The following AGO3 variants were observed in gnomAD, a reference collection of about 807,000 sequenced individuals.
AGO3 encodes the protein protein argonaute-3.
AGO3 carries 16 observed loss-of-function variants against 105.5 expected under a neutral mutation model. The ratio of observed to expected loss-of-function variants is 0.15; its 90% CI spans 0.10 to 0.23. The LOEUF (loss-of-function observed/expected upper bound fraction) is 0.23. AGO3 is among the 10% of genes least tolerant of loss of function. The pLI is 1.00. For missense variants in AGO3, 534 were observed against 1,088.0 expected, an observed-to-expected ratio of 0.49 and a Z score of 7.16; for synonymous variants, 340 against 367.3, an observed-to-expected ratio of 0.93 and a Z score of 0.85.
At chr1:36,029,985 G>T (rs955173179) in intron 12 of AGO3, among the ~76,000 whole-genome samples, 7 of 152,032 alleles carry the variant, frequency 4.6e-5, no homozygotes, top group Admixed American at 4.6e-4. Flanking sequence ...GAGCCACTGC[G>T]CCTGGCCCCT....
At chr1:35,931,585 C>A in intron 1 of AGO3, 140 bp downstream of exon 1, 1 of 943,574 alleles carries the variant, frequency 1.1e-6, no homozygotes, top group Middle Eastern at 3.3e-4. Flanking sequence ...TCGCCCTGCT[C>A]CTCCGCGACC....
At chr1:36,011,951 A>G (rs1031180771) in intron 9 of AGO3, among the ~76,000 whole-genome samples, 7 of 152,222 alleles carry the variant, frequency 4.6e-5, no homozygotes, top group African/African-American at 2.4e-5. Flanking sequence ...ATTAGTTGTT[A>G]TAGTATAGTC....
At chr1:35,984,938 T>G (rs1022198456) in intron 5 of AGO3, among the ~76,000 whole-genome samples, 1 of 151,708 alleles carries the variant, frequency 6.6e-6, no homozygotes, top group African/African-American at 2.4e-5. Context: ...TATTGAAAGA[T>G]CTAAGAAAAT....
intron 6 of AGO3, among the ~76,000 whole-genome samples, chr1:36,007,906 A>G (rs1224251989): frequency 2.6e-5 from 4 of 152,170 alleles, no homozygotes; most frequent in Non-Finnish European, 5.9e-5. Flanking sequence ...TTCACATTCT[A>G]GAGCAGGCCT....
In AGO3 at chr1:36,011,952, T is replaced by C. The variant is rs536301532; in HGVS notation, c.1150-1678T>C. ...GCAAGTCATAGTATATTAGTTGTTA[T>C]AGTATAGTCGTCATTATTCGCTGTA... On this transcript the variant is annotated intron_variant, in intron 9 of 18. Coordinates refer to ENST00000373191, the MANE Select transcript of AGO3 (RefSeq NM_024852.4). 1.4e-4 allele frequency among the ~76,000 whole-genome samples: 21 copies of C among 152,336 alleles called. 1 individual carries two copies. The South Asian group carries it at 3.9e-3, about 29-fold the overall frequency.
At chr1:36,006,219 G>C (rs1348076966) in intron 6 of AGO3, among the ~76,000 whole-genome samples, 1 of 151,474 alleles carries the variant, frequency 6.6e-6, no homozygotes, top group Admixed American at 6.6e-5. Context: ...TTTTTTAGCT[G>C]GTATGAAGAA....
chr1:35,984,211 G>A lies in AGO3; in HGVS notation c.658+10700G>A, dbSNP rs899207964. Reference sequence around the variant, plus strand: ...GAGCTGGGCACAGGGGCTCACGCCTGTAGTCCCAGCTACTTGGGAGGCTAA... The same window carrying A: ...GAGCTGGGCACAGGGGCTCACGCCTATAGTCCCAGCTACTTGGGAGGCTAA... On this transcript the variant is annotated intron_variant, in intron 5 of 18. Transcript: ENST00000373191. 7.2e-5 allele frequency among the ~76,000 whole-genome samples: 11 copies of A among 152,306 alleles called. No homozygotes were observed. The South Asian group carries it at 2.1e-3, about 29-fold the overall frequency.
chr1:36,006,403 A>G (rs1049584430), intron 6 of AGO3, among the ~76,000 whole-genome samples: 10 of 152,060 alleles, frequency 6.6e-5, no homozygotes, highest in Admixed American at 1.3e-4. Context: ...GGGAAAATGT[A>G]TAAGTACCAT....
intron 5 of AGO3, among the ~76,000 whole-genome samples, chr1:35,979,167 A>AT (rs977602561): frequency 3.9e-5 from 6 of 152,156 alleles, no homozygotes; most frequent in Non-Finnish European, 8.8e-5. Context: ...GATTGAGACC[A>AT]TCCTGGCTAA....
At chr1:36,004,174 T>C in intron 5 of AGO3, 167 bp from the exon 6 acceptor site, 1 of 523,010 alleles carries the variant, frequency 1.9e-6, no homozygotes, top group Non-Finnish European at 3.2e-6. Flanking sequence ...TTTGTATTTG[T>C]GCCTCAGAGG....
chr1:36,063,563 T>C lies in AGO3; in HGVS notation c.*7818T>C, dbSNP rs1022785649. The C allele has an allele frequency of 2.0e-5, 3 of 152,184 alleles. No individual in the cohort carries two copies. Among genetic ancestry groups the C allele is most frequent in the African/African-American group, 7.2e-5 (3 of 41,442 alleles). 9.4% of individuals were successfully genotyped at this position (152,184 alleles called of 1,614,324 possible). A position where few individuals can be genotyped will look rare whatever the true frequency, so the allele number is the denominator to read the frequency against. On this transcript the variant is annotated 3_prime_UTR_variant, in exon 19 of 19. Transcript: ENST00000373191. ...TACCCTGATCTTTTCCCTAGCATAC[T>C]TCTAAAGTTGATTGAATCCCTGAGT...
chr1:36,038,016 A>G lies in AGO3; in HGVS notation c.1842+1749A>G, dbSNP rs188846414. On this transcript the variant is annotated intron_variant, in intron 14 of 18. Coordinates refer to ENST00000373191, the MANE Select transcript of AGO3 (RefSeq NM_024852.4). ...TTATTGGTTGATTCTTTTTCACTAT[A>G]TGGCTTCTATCTCCAAGAACTTAGA... is the stretch of plus-strand genomic sequence containing the variant. Among the ~76,000 whole-genome samples the G allele has an allele frequency of 3.4e-3, 523 of 152,314 alleles. 3 individuals are homozygous for G. Among genetic ancestry groups the G allele is most frequent in the Non-Finnish European group, 4.4e-3 (301 of 68,018 alleles).
At chr1:36,009,424 C>T in intron 8 of AGO3, 51 bp from the exon 9 acceptor site, 1 of 1,518,598 alleles carries the variant, frequency 6.6e-7, no homozygotes, top group Non-Finnish European at 8.8e-7. Flanking sequence ...TAAGTAAGAG[C>T]TAAAAAAAAA....
At chr1:35,990,713 A>G (rs963297641) in intron 5 of AGO3, among the ~76,000 whole-genome samples, 1 of 152,344 alleles carries the variant, frequency 6.6e-6, no homozygotes, top group Non-Finnish European at 1.5e-5. Flanking sequence ...AAAAATTTCT[A>G]GTAAATAAAA....
At chr1:36,049,861 A>T (rs1569944668) in intron 17 of AGO3, among the ~76,000 whole-genome samples, 1 of 152,234 alleles carries the variant, frequency 6.6e-6, no homozygotes, top group Non-Finnish European at 1.5e-5. Flanking sequence ...CCAAGAGGAT[A>T]TAACAGTTGT....
At chr1:36,014,182 A>T in intron 11 of AGO3, 134 bp downstream of exon 11, 3 of 1,167,410 alleles carry the variant, frequency 2.6e-6, no homozygotes, top group Non-Finnish European at 2.4e-6. Context: ...TTTTTGAGAC[A>T]GAGTCTCACT....
intron 11 of AGO3, 21 bp downstream of exon 11, chr1:36,014,069 G>A (rs974264803): frequency 6.2e-7 from 1 of 1,613,540 alleles, no homozygotes; most frequent in African/African-American, 1.3e-5. Context: ...TCATTACCTT[G>A]GCTTTGGGAC....
At position 36,055,365 on chromosome 1, in the gene AGO3, A is replaced by G. The variant is rs1047249659; in HGVS notation, c.2474+220A>G. 1.5e-5 allele frequency: 9 copies of G among 613,296 alleles called. No homozygotes were observed. The Admixed American group carries it at 2.6e-4, about 18-fold the overall frequency. 38.0% of individuals were successfully genotyped at this position (613,296 alleles called of 1,614,324 possible). On this transcript the variant is annotated intron_variant, in intron 18 of 18. Coordinates refer to ENST00000373191, the MANE Select transcript of AGO3 (RefSeq NM_024852.4). This position sits in a 1 kb window ranked among gnomAD's most constrained non-coding sequence, Gnocchi z 4.4. ...TTTACTACATTAATTCAAAGGAGAG[A>G]TTATTGGTAATAAAGTGATACATTC...
At chr1:36,047,363 A>G (rs1302994204) in intron 17 of AGO3, among the ~76,000 whole-genome samples, 4 of 152,218 alleles carry the variant, frequency 2.6e-5, no homozygotes, top group Middle Eastern at 6.8e-3. Context: ...TACAAAATAT[A>G]ATAGAGAGCT....
Sources: gnomAD v4.1 joint callset for allele counts (sites outside exome capture counted in the v4.1 genomes callset) on GRCh38, gnomAD v4.1.1 for gene constraint, Gnocchi (gnomAD v3.1) non-coding constraint, MANE v1.5 for transcripts, NCBI Gene and HGNC (gene_info 2026-07-23, HGNC 2026-07-21) for gene names.